The following TRPC5 variants were observed in gnomAD, a reference collection of about 807,000 sequenced individuals.
TRPC5 encodes short transient receptor potential channel 5.
In TRPC5, 9 loss-of-function variants were observed where a neutral mutation model predicts 56.5. The ratio of observed to expected loss-of-function variants is 0.16; its 90% CI spans 0.10 to 0.28. TRPC5 has a LOEUF of 0.28. Among genes scored for constraint, TRPC5 ranks in the 10% least tolerant of loss-of-function variants. TRPC5 has a pLI of 1.00. For missense variants in TRPC5, 469 were observed against 748.9 expected (o/e 0.63, Z 4.36); for synonymous variants, 282 against 278.5 (o/e 1.01, Z -0.13).
At chrX:111,895,214 T>C (rs1195288669) in intron 3 of TRPC5, among the ~76,000 whole-genome samples, 3 of 111,776 alleles carry the variant, frequency 2.7e-5, no homozygotes, top group Non-Finnish European at 3.8e-5. Context: ...GTCTTTTTCA[T>C]TTTAGCTCTT....
Position 111,911,416 on chromosome X carries a change from G to A in TRPC5, c.900+875C>T, listed in dbSNP as rs771940898. Among the ~76,000 whole-genome samples, 4 of 112,520 alleles carry A rather than the reference G, an allele frequency of 3.6e-5. No homozygotes were observed. In the South Asian group the frequency reaches 1.5e-3, roughly 42 times the overall value. On this transcript the variant is annotated intron_variant, in intron 3 of 10. Transcript: ENST00000262839. ...GAAAACTAATGCCCTGAAAATAGGA[G>A]TGAGTTTCTTTAGGTCATACAGCTA...
intron 2 of TRPC5, among the ~76,000 whole-genome samples, chrX:111,950,235 G>C (rs1316640659): frequency 1.8e-5 from 2 of 110,233 alleles, no homozygotes; most frequent in South Asian, 7.9e-4. Flanking sequence ...TGAGGCAGGA[G>C]AATGGCATCA....
rs747130444 is a variant in TRPC5, at chrX:111,847,280, G to A, written c.1534C>T (p.Arg512Cys). The change falls in exon 6 of 11, where the codon CGC becomes TGC. Residue 512 changes from arginine (R) to cysteine (C), a missense_variant. Coordinates refer to ENST00000262839, the MANE Select transcript of TRPC5 (RefSeq NM_012471.3). Reference sequence around the variant, plus strand: ...AATTTGAGGATATCAAGCAGCATGCGTCCCAAAGAGATCTGCAGAGGTCCT... The same window carrying A: ...AATTTGAGGATATCAAGCAGCATGCATCCCAAAGAGATCTGCAGAGGTCCT... The part of the protein sequence containing the change: ...HLGPLQISLG[R>C]MLLDILKFLF... 4.1e-6 allele frequency: 5 copies of A among 1,208,938 alleles called. No individual in the cohort carries two copies. Among genetic ancestry groups the A allele is most frequent in the African/African-American group, 3.5e-5 (2 of 56,806 alleles).
At chrX:112,017,886 A>C (rs1275050686) in intron 1 of TRPC5, among the ~76,000 whole-genome samples, 1 of 112,182 alleles carries the variant, frequency 8.9e-6, no homozygotes. Context: ...GTGGCTATTG[A>C]GCACTTAAAG....
intron 1 of TRPC5, among the ~76,000 whole-genome samples, chrX:112,058,993 G>C (rs954173444): frequency 9.0e-6 from 1 of 111,304 alleles, no homozygotes; most frequent in Non-Finnish European, 1.9e-5. Flanking sequence ...AGACTGGCTC[G>C]AGAGCCTCTG....
intron 3 of TRPC5, among the ~76,000 whole-genome samples, chrX:111,890,692 G>A (rs1234132061): frequency 9.0e-6 from 1 of 111,589 alleles, no homozygotes; most frequent in Non-Finnish European, 1.9e-5. Flanking sequence ...CGAAGAATCA[G>A]GTTCTTTTTA....
chrX:111,968,515 C>T (rs1360869713), intron 1 of TRPC5, among the ~76,000 whole-genome samples: 14 of 110,729 alleles, frequency 1.3e-4, no homozygotes, highest in Non-Finnish European at 2.5e-4. Context: ...GCTATAAAGA[C>T]ACATGCATAC....
intron 6 of TRPC5, among the ~76,000 whole-genome samples, chrX:111,839,107 C>T (rs778818453): frequency 8.9e-6 from 1 of 111,954 alleles, no homozygotes; most frequent in South Asian, 3.7e-4. Context: ...CCTGCTATTT[C>T]TCATTCCACT....
rs148557052 is a variant in TRPC5 at position 111,981,517 on chromosome X, T to A, written c.-21-29076A>T. ...CTTGGCGCCCTATGGCCCAGTTAAG[T>A]TGAGACATAAAATTAAGCATCACAT... On this transcript the variant is annotated intron_variant, in intron 1 of 10. Transcript: ENST00000262839. Among the ~76,000 whole-genome samples the A allele has an allele frequency of 1.9e-3, 211 of 111,863 alleles. 1 individual carries two copies. The highest frequency in any genetic ancestry group is 6.6e-3 in the African/African-American group (204 of 30,841).
chrX:111,783,822 G>A (rs747097634), intron 7 of TRPC5, among the ~76,000 whole-genome samples: 6 of 111,022 alleles, frequency 5.4e-5, no homozygotes, highest in African/African-American at 2.0e-4. Flanking sequence ...TGCTTTTTCT[G>A]TCATGTCCAG....
intron 7 of TRPC5, among the ~76,000 whole-genome samples, chrX:111,793,499 A>T (rs974150088): frequency 8.9e-6 from 1 of 112,030 alleles, no homozygotes; most frequent in Middle Eastern, 4.6e-3. Context: ...CCACAATGAG[A>T]TACCACCTCA....
At chrX:112,055,408 C>T (rs1217379701) in intron 1 of TRPC5, among the ~76,000 whole-genome samples, 13 of 110,216 alleles carry the variant, frequency 1.2e-4, no homozygotes, top group African/African-American at 4.0e-4. Flanking sequence ...TTTTTTTTGG[C>T]GGTGGGGGGT....
chrX:112,058,866 A>G (rs1930398397), intron 1 of TRPC5, among the ~76,000 whole-genome samples: 2 of 111,525 alleles, frequency 1.8e-5, no homozygotes, highest in Admixed American at 9.5e-5. Context: ...CAACAATACT[A>G]TAGGGTGGAT....
intron 1 of TRPC5, among the ~76,000 whole-genome samples, chrX:112,035,880 C>T (rs1234073455): frequency 9.1e-6 from 1 of 109,606 alleles, no homozygotes; most frequent in Non-Finnish European, 1.9e-5. Context: ...CCACCCACCT[C>T]GGCCTCCCAA....
At chrX:111,848,630 A>C (rs1019185799) in intron 5 of TRPC5, among the ~76,000 whole-genome samples, 1 of 112,380 alleles carries the variant, frequency 8.9e-6, no homozygotes, top group Non-Finnish European at 1.9e-5. Context: ...CATTTCTAAA[A>C]TGTGCTTCAG....
intron 1 of TRPC5, among the ~76,000 whole-genome samples, chrX:112,020,156 C>T (rs1478562915): frequency 9.0e-6 from 1 of 111,527 alleles, no homozygotes; most frequent in Non-Finnish European, 1.9e-5. Context: ...GCCTCCTAAA[C>T]TGCTGGGATT....
chrX:111,991,716 T>C (rs1928360254), intron 1 of TRPC5, among the ~76,000 whole-genome samples: 1 of 112,208 alleles, frequency 8.9e-6, no homozygotes, highest in South Asian at 3.7e-4. Context: ...ATTTGATAGG[T>C]TTTTTTAAAA....
At chrX:111,889,882 G>T (rs1405894458) in intron 3 of TRPC5, among the ~76,000 whole-genome samples, 2 of 111,500 alleles carry the variant, frequency 1.8e-5, no homozygotes, top group Non-Finnish European at 3.8e-5. Context: ...TGTTCAGCTA[G>T]GCTTTTTGTA....
intron 1 of TRPC5, among the ~76,000 whole-genome samples, chrX:111,970,902 C>T (rs994375286): frequency 6.4e-5 from 7 of 108,913 alleles, no homozygotes; most frequent in Non-Finnish European, 1.1e-4. Flanking sequence ...CCCCAGCTCC[C>T]GATTAGCTGG....
Sources: allele counts gnomAD v4.1 joint callset (sites outside exome capture counted in the v4.1 genomes callset), GRCh38; gene constraint gnomAD v4.1.1; transcripts MANE v1.5; gene names NCBI Gene and HGNC (gene_info 2026-07-23, HGNC 2026-07-21).